GPATCH2L: variants seen among roughly 807,000 people sequenced by gnomAD.
The protein encoded by GPATCH2L is G patch domain-containing protein 2-like.
GPATCH2L carries 31 observed loss-of-function variants against 57.4 expected under a neutral mutation model. That is an observed-to-expected ratio of 0.54 (90% CI 0.41 to 0.73). The LOEUF is 0.73. GPATCH2L is among the 30% of genes least tolerant of loss of function. GPATCH2L has a pLI of 0.00. For synonymous variants in GPATCH2L, 199 were observed against 210.7 expected (o/e 0.94, Z 0.48); for missense variants, 481 against 599.9 (o/e 0.80, Z 2.07).
intron 8 of GPATCH2L, among the ~76,000 whole-genome samples, chr14:76,182,091 C>A (rs1048749843): frequency 1.3e-5 from 2 of 152,166 alleles, no homozygotes; most frequent in African/African-American, 2.4e-5. Context: ...GGCGCGGTGG[C>A]TCACGCCTGT....
At chr14:76,201,575 G>A in intron 9 of GPATCH2L, 116 bp from the exon 10 acceptor site, 2 of 615,230 alleles carry the variant, frequency 3.3e-6, no homozygotes, top group Non-Finnish European at 5.3e-6. Flanking sequence ...GGGTTACTAG[G>A]ACATGAAGTA....
At chr14:76,159,790 C>G (rs2038488503) in intron 2 of GPATCH2L, among the ~76,000 whole-genome samples, 1 of 152,156 alleles carries the variant, frequency 6.6e-6, no homozygotes, top group Non-Finnish European at 1.5e-5. Flanking sequence ...AAACACTAAG[C>G]TTCCCTATCC....
chr14:76,201,920 T>C lies in GPATCH2L; in HGVS notation c.*69T>C. 1 of 1,317,520 alleles carries C rather than the reference T, an allele frequency of 7.6e-7. No individual in the cohort carries two copies. The highest frequency in any genetic ancestry group is 1.1e-6 in the Non-Finnish European group (1 of 943,032). The allele number at this position is 1,317,520 out of a possible 1,614,324, so 81.6% of individuals were successfully genotyped here. A position where few individuals can be genotyped will look rare whatever the true frequency, so the allele number is the denominator to read the frequency against. Reference sequence around the variant, plus strand: ...AGCAAATGTTGGACTTTGTGTTAGATAGTCTTGCATATCTTAATCGACATT... The same window carrying C: ...AGCAAATGTTGGACTTTGTGTTAGACAGTCTTGCATATCTTAATCGACATT... On this transcript the variant is annotated 3_prime_UTR_variant, in exon 10 of 10. Coordinates refer to ENST00000261530, the MANE Select transcript of GPATCH2L (RefSeq NM_017926.4).
intron 8 of GPATCH2L, among the ~76,000 whole-genome samples, chr14:76,191,054 T>C (rs2039944507): frequency 6.6e-6 from 1 of 152,108 alleles, no homozygotes; most frequent in Admixed American, 6.6e-5. Flanking sequence ...TTCTGAAATA[T>C]CTCGTTACTC....
chr14:76,214,388 C>G (rs2040474266), downstream of GPATCH2L: 1 of 152,128 alleles, frequency 6.6e-6, no homozygotes, highest in Non-Finnish European at 1.5e-5. Context: ...GGTTATTGCT[C>G]TCTATATAAA....
chr14:76,195,392 A>G (rs897920219), intron 8 of GPATCH2L, among the ~76,000 whole-genome samples: 2 of 152,188 alleles, frequency 1.3e-5, no homozygotes, highest in African/African-American at 4.8e-5. Flanking sequence ...TTTAAAAGTC[A>G]CAGAAACTAA....
intron 2 of GPATCH2L, among the ~76,000 whole-genome samples, chr14:76,232,449 G>A (rs189373699): frequency 1.1e-4 from 16 of 152,216 alleles, no homozygotes; most frequent in Middle Eastern, 3.4e-3. Flanking sequence ...ACAGTTGCCC[G>A]CCACTGCCCC....
At chr14:76,191,928 C>T (rs949170672) in intron 8 of GPATCH2L, among the ~76,000 whole-genome samples, 1 of 151,624 alleles carries the variant, frequency 6.6e-6, no homozygotes, top group African/African-American at 2.4e-5. Flanking sequence ...AAATCCTTCT[C>T]TATCCCTTCC....
At chr14:76,231,357 C>T (rs1566830061) in intron 2 of GPATCH2L, among the ~76,000 whole-genome samples, 1 of 152,166 alleles carries the variant, frequency 6.6e-6, no homozygotes, top group Non-Finnish European at 1.5e-5. Flanking sequence ...CTGCTCAGGG[C>T]TTCATGTGAC....
intron 1 of GPATCH2L, chr14:76,152,634 G>T (rs2038105789): frequency 2.2e-6 from 1 of 455,848 alleles, no homozygotes; most frequent in African/African-American, 2.0e-5. Context: ...GACTGGAGAT[G>T]GGGAGTTCTA....
Position 76,205,903 on chromosome 14 carries a change from C to T in GPATCH2L, c.*4052C>T, listed in dbSNP as rs1035751223. ...CAGGTTTTTCCCCCTGGGGAGAAGA[C>T]TATGTAAAAATCTCAGCGTTAGAAG... is the stretch of plus-strand genomic sequence containing the variant. On this transcript the variant is annotated 3_prime_UTR_variant, in exon 10 of 10. Coordinates refer to ENST00000261530, the MANE Select transcript of GPATCH2L (RefSeq NM_017926.4). The T allele has an allele frequency of 4.6e-5, 7 of 152,330 alleles. No homozygotes were observed. The highest frequency in any genetic ancestry group is 1.7e-4 in the African/African-American group (7 of 41,428). The allele number at this position is 152,330 out of a possible 1,614,324, so 9.4% of individuals were successfully genotyped here. A position where few individuals can be genotyped will look rare whatever the true frequency, so the allele number is the denominator to read the frequency against.
rs564998772 is a variant in GPATCH2L at position 76,191,070 on chromosome 14, A to G, written c.1194-4808A>G. ...TCTGAAATATCTCGTTACTCTTTCAACCTTTCTACTTGTAGGGAGGGTCTC... is the reference window on the plus strand; with the variant it reads ...TCTGAAATATCTCGTTACTCTTTCAGCCTTTCTACTTGTAGGGAGGGTCTC... On this transcript the variant is annotated intron_variant, in intron 8 of 9. Coordinates refer to ENST00000261530, the MANE Select transcript of GPATCH2L (RefSeq NM_017926.4). 1.6e-4 allele frequency among the ~76,000 whole-genome samples: 25 copies of G among 152,144 alleles called. No homozygotes were observed. The South Asian group carries it at 5.2e-3, about 32-fold the overall frequency.
At chr14:76,158,297 C>G (rs1024606712) in intron 2 of GPATCH2L, among the ~76,000 whole-genome samples, 1 of 152,156 alleles carries the variant, frequency 6.6e-6, no homozygotes, top group African/African-American at 2.4e-5. Context: ...CTTCTCCAGC[C>G]CAGGCTGACC....
At chr14:76,197,699 T>C (rs188738982) in intron 9 of GPATCH2L, among the ~76,000 whole-genome samples, 14 of 152,274 alleles carry the variant, frequency 9.2e-5, no homozygotes, top group Admixed American at 9.2e-4. Context: ...TGGGTTCCGC[T>C]TTGCCGCTGT....
rs1350061311 is a variant in GPATCH2L at position 76,154,766 on chromosome 14, G to A, written c.403G>A (p.Val135Met). ...PLRRRRKVKRVTSEVAASLQQ... is the reference protein window; with the variant it reads ...PLRRRRKVKRMTSEVAASLQQ... The stretch of plus-strand genomic sequence containing the variant: ...CAGGCGCAGGCGGAAGGTGAAGCGA[G>A]TGACATCAGAGGTGGCTGCTAGCCT... Residue 135 changes from valine (V) to methionine (M), a missense_variant, in exon 2 of 10, where the codon GTG (valine) becomes ATG (methionine). Val to Met is a conservative substitution (Grantham distance 21). This residue lies in a region of GPATCH2L where 208 missense variants were observed against 272.4 expected (regional missense o/e 0.76). Transcript: ENST00000261530. This position sits in a 1 kb window ranked among gnomAD's most constrained non-coding sequence, Gnocchi z 4.4. 6.2e-7 allele frequency: 1 copy of A among 1,614,234 alleles called. No individual in the cohort carries two copies. Among genetic ancestry groups the A allele is most frequent in the Non-Finnish European group, 8.5e-7 (1 of 1,180,036 alleles).
At position 76,154,417 on chromosome 14, in the gene GPATCH2L, G is replaced by C; in HGVS notation, c.54G>C (p.Gln18His). Residue 18 changes from glutamine (Q) to histidine (H), a missense_variant, in exon 2 of 10, where the codon CAG becomes CAC. Transcript: ENST00000261530. The surrounding 1 kb of genome is among the most constrained non-coding windows in gnomAD (Gnocchi z 4.4). ...LASALEQTSE[Q>H]NKLGELWEEM... ...CAGCCTTGGAGCAGACATCTGAGCA[G>C]AATAAGCTTGGTGAACTGTGGGAGG... The C allele has an allele frequency of 1.2e-6, 2 of 1,614,126 alleles. No homozygotes were observed. The highest frequency in any genetic ancestry group is 2.7e-5 in the African/African-American group (2 of 75,054).
intron 2 of GPATCH2L, among the ~76,000 whole-genome samples, chr14:76,235,534 A>G (rs1446485257): frequency 6.6e-6 from 1 of 152,158 alleles, no homozygotes; most frequent in African/African-American, 2.4e-5. Context: ...AATCCATTAA[A>G]ACTCTTTTTC....
At chr14:76,192,412 C>T (rs1415304010) in intron 8 of GPATCH2L, among the ~76,000 whole-genome samples, 1 of 152,002 alleles carries the variant, frequency 6.6e-6, no homozygotes, top group African/African-American at 2.4e-5. Context: ...ATACTGACAG[C>T]GAAGATATGA....
At chr14:76,193,265 A>T (rs1367899980) in intron 8 of GPATCH2L, among the ~76,000 whole-genome samples, 8 of 151,966 alleles carry the variant, frequency 5.3e-5, no homozygotes, top group African/African-American at 1.9e-4. Flanking sequence ...AAAGTGTGAG[A>T]TAAGTAGTAC....
Sources: gnomAD v4.1 joint callset for allele counts (sites outside exome capture counted in the v4.1 genomes callset) on GRCh38, gnomAD v4.1.1 for gene constraint, gnomAD v4.1.1 regional missense constraint, Gnocchi (gnomAD v3.1) non-coding constraint, MANE v1.5 for transcripts, NCBI Gene and HGNC (gene_info 2026-07-23, HGNC 2026-07-21) for gene names.